The following KIF27 variants were observed in gnomAD, a reference collection of about 807,000 sequenced individuals.
KIF27 encodes kinesin family member 27, also known as kinesin-like protein KIF27.
Under a neutral mutation model 141.8 loss-of-function variants are expected in KIF27, and 84 were observed. The observed-to-expected ratio is 0.59, with a 90% confidence interval of 0.50 to 0.71. The LOEUF (loss-of-function observed/expected upper bound fraction) is 0.71, where lower values mean the gene tolerates loss of function less well. Ranked by LOEUF, KIF27 falls within the 30% of genes least tolerant of loss-of-function variation. The probability of loss-of-function intolerance (pLI) is 0.00; values close to 1 mark genes in which losing one functional copy is unlikely to be tolerated. For synonymous variants in KIF27, 471 were observed against 569.5 expected, an observed-to-expected ratio of 0.83 and a Z score of 2.46; for missense variants, 1,306 against 1,628.4, an observed-to-expected ratio of 0.80 and a Z score of 3.41.
chr9:83,848,318 T>C (rs62646599), intron 16 of KIF27, among the ~76,000 whole-genome samples: 2 of 107,114 alleles, frequency 1.9e-5, no homozygotes, highest in Non-Finnish European at 3.6e-5. Flanking sequence ...TGATATATCA[T>C]ATATCTATAT....
chr9:83,882,249 C>A (rs62564763), intron 10 of KIF27, among the ~76,000 whole-genome samples: 2 of 151,998 alleles, frequency 1.3e-5, no homozygotes, highest in South Asian at 4.1e-4. Context: ...GTAATCCCAG[C>A]TATTTGAGAG....
In KIF27 at chr9:83,834,208, A is replaced by G. The variant is rs1209748884; in HGVS notation, c.*2793T>C. On this transcript the variant is annotated 3_prime_UTR_variant, in exon 18 of 18. Transcript: ENST00000297814. ...ACATGCAAAAAGGCAATAAAGTGAC[A>G]AAATGTTTAGAAAAAGCATGTGAAA... Among the ~76,000 whole-genome samples, 1 of 152,224 alleles carries G rather than the reference A, an allele frequency of 6.6e-6. No individual in the cohort carries two copies. Among genetic ancestry groups the G allele is most frequent in the Non-Finnish European group, 1.5e-5 (1 of 68,018 alleles).
Position 83,870,526 on chromosome 9 carries a change from T to C in KIF27, c.2750A>G (p.His917Arg). Reference sequence around the variant, plus strand: ...TAAATAGAATTGACAAACCTGGAGATGGTCTATACTTCCAAACGAACCTTT... The same window carrying C: ...TAAATAGAATTGACAAACCTGGAGACGGTCTATACTTCCAAACGAACCTTT... ...RRKGSFGSID[H>R]LQKLDEQKKW... Residue 917 changes from histidine (H) to arginine (R), a missense_variant, in exon 12 of 18, where the codon CAT becomes CGT. His to Arg is a conservative substitution (Grantham distance 29). Transcript: ENST00000297814. 6.2e-7 allele frequency: 1 copy of C among 1,613,792 alleles called. No individual in the cohort carries two copies. Among genetic ancestry groups the C allele is most frequent in the African/African-American group, 1.3e-5 (1 of 75,028 alleles).
intron 17 of KIF27, among the ~76,000 whole-genome samples, chr9:83,840,679 T>C (rs1057345612): frequency 6.6e-6 from 1 of 152,252 alleles, no homozygotes; most frequent in Non-Finnish European, 1.5e-5. Context: ...ACTTGTTTAC[T>C]TTTTAATTTT....
At chr9:83,862,056 T>C (rs1214154756) in intron 13 of KIF27, among the ~76,000 whole-genome samples, 2 of 152,112 alleles carry the variant, frequency 1.3e-5, no homozygotes, top group African/African-American at 4.8e-5. Flanking sequence ...TTTGAGTTCA[T>C]TGTAGATTCT....
intron 8 of KIF27, among the ~76,000 whole-genome samples, chr9:83,887,625 C>G (rs1316334951): frequency 6.6e-6 from 1 of 152,018 alleles, no homozygotes; most frequent in Non-Finnish European, 1.5e-5. Context: ...CTGTCCTGCA[C>G]CAGAATGTAA....
intron 15 of KIF27, among the ~76,000 whole-genome samples, chr9:83,850,830 C>CTTTTTTTTTT (rs202212264): frequency 5.9e-5 from 4 of 67,504 alleles, no homozygotes; most frequent in Non-Finnish European, 1.1e-4. Context: ...ATGACATTTT[C>CTTTTTTTTTT]TTTTTTTTTT....
At chr9:83,841,348 G>A (rs1465732741) in intron 17 of KIF27, among the ~76,000 whole-genome samples, 1 of 152,192 alleles carries the variant, frequency 6.6e-6, no homozygotes, top group African/African-American at 2.4e-5. Context: ...TGGGATTACA[G>A]GCATGAGCCA....
intron 11 of KIF27, 120 bp from the exon 12 acceptor site, chr9:83,870,752 C>T (rs1950719154): frequency 4.2e-6 from 6 of 1,427,760 alleles, no homozygotes; most frequent in Non-Finnish European, 5.5e-6. Flanking sequence ...GCTCTGTCAC[C>T]CAGGCTGGAG....
At chr9:83,862,215 A>G (rs1949990940) in intron 13 of KIF27, among the ~76,000 whole-genome samples, 1 of 145,948 alleles carries the variant, frequency 6.9e-6, no homozygotes, top group Non-Finnish European at 1.5e-5. Context: ...TTTTGTTGCC[A>G]TTGCTTTTGG....
rs772293053 is a variant in KIF27 at position 83,880,435 on chromosome 9, C to A, written c.2505G>T (p.Glu835Asp). 1 of 1,613,368 alleles carries A rather than the reference C, an allele frequency of 6.2e-7. No individual in the cohort carries two copies. Residue 835 changes from glutamate to aspartate, a missense_variant, in exon 11 of 18, where the codon GAG becomes GAT. Transcript: ENST00000297814. Reference sequence around the variant, plus strand: ...TCTGCTCTAGCTCATTAGCACGTTTCTCATTTTGGATTGACAGTGATGCCA... The same window carrying A: ...TCTGCTCTAGCTCATTAGCACGTTTATCATTTTGGATTGACAGTGATGCCA... ...KKLASLSIQN[E>D]KRANELEQSV...
chr9:83,879,319 AT>A (rs544141238), intron 11 of KIF27, among the ~76,000 whole-genome samples: 17 of 149,188 alleles, frequency 1.1e-4, no homozygotes, highest in African/African-American at 3.7e-4. Flanking sequence ...GAATTCTGTG[AT>A]TTTTTTTTTT....
chr9:83,861,183 A>T (rs1254096650), intron 13 of KIF27, among the ~76,000 whole-genome samples: 1 of 149,808 alleles, frequency 6.7e-6, no homozygotes, highest in Admixed American at 6.7e-5. Context: ...CTATTTCTTT[A>T]TATATATATA....
At chr9:83,875,032 A>G (rs2036622011) in intron 11 of KIF27, among the ~76,000 whole-genome samples, 1 of 151,888 alleles carries the variant, frequency 6.6e-6, no homozygotes, top group African/African-American at 2.4e-5. Flanking sequence ...TGAAGAAGAC[A>G]GTGTCTTCTT....
chr9:83,857,919 T>A (rs1412096524), intron 14 of KIF27, among the ~76,000 whole-genome samples: 1 of 152,086 alleles, frequency 6.6e-6, no homozygotes, highest in African/African-American at 2.4e-5. Flanking sequence ...TTCTATCTGT[T>A]TTCCCAAATA....
At chr9:83,888,093 T>A (rs1208513161) in intron 8 of KIF27, among the ~76,000 whole-genome samples, 1 of 85,322 alleles carries the variant, frequency 1.2e-5, no homozygotes, top group Non-Finnish European at 2.3e-5. Context: ...CAACACCCAG[T>A]ACACTAATTG....
Position 83,837,445 on chromosome 9 carries a change from T to G in KIF27, c.3762A>C (p.Gly1254=). ...AGDGVLKPEG[G]GMLSEELKWA... Reference sequence around the variant, plus strand: ...ATTTTAATTCTTCTGAAAGCATGCCTCCTCCTTCTGGCTTCAGGACTCCAT... The same window carrying G: ...ATTTTAATTCTTCTGAAAGCATGCCGCCTCCTTCTGGCTTCAGGACTCCAT... The change falls in exon 18 of 18, where the codon GGA becomes GGC. Residue 1254 remains glycine (G), a synonymous_variant. Coordinates refer to ENST00000297814, the MANE Select transcript of KIF27 (RefSeq NM_017576.4). The G allele has an allele frequency of 6.2e-7, 1 of 1,613,516 alleles. No individual in the cohort carries two copies. Among genetic ancestry groups the G allele is most frequent in the South Asian group, 1.1e-5 (1 of 90,892 alleles).
intron 12 of KIF27, chr9:83,868,519 G>C (rs1469654395): frequency 1.3e-5 from 2 of 152,050 alleles, no homozygotes; most frequent in Non-Finnish European, 2.9e-5. Flanking sequence ...TTGCTGAAAA[G>C]ATCTCCAAAA....
chr9:83,853,465 A>C (rs1054546396), intron 15 of KIF27, among the ~76,000 whole-genome samples, 164 bp downstream of exon 15: 1 of 152,258 alleles, frequency 6.6e-6, no homozygotes, highest in African/African-American at 2.4e-5. Flanking sequence ...CAAAGCTTTC[A>C]GATGACAACA....
Sources: allele counts gnomAD v4.1 joint callset (sites outside exome capture counted in the v4.1 genomes callset), GRCh38; gene constraint gnomAD v4.1.1; transcripts MANE v1.5; gene names NCBI Gene and HGNC (gene_info 2026-07-23, HGNC 2026-07-21).